The following TBC1D32 variants were observed in gnomAD, a reference collection of about 807,000 sequenced individuals.
TBC1D32 encodes the protein protein broad-minded.
Under a neutral mutation model 170.3 loss-of-function variants are expected in TBC1D32, and 151 were observed. That is an observed-to-expected ratio of 0.89 (90% CI 0.78 to 1.01). TBC1D32 has a LOEUF of 1.01. TBC1D32 is among the 50% of genes least tolerant of loss of function. The pLI, the probability that TBC1D32 is intolerant of heterozygous loss-of-function variation, is 0.00. For missense variants in TBC1D32, 1,464 were observed against 1,457.1 expected (o/e 1.00, Z -0.08); for synonymous variants, 498 against 488.0 (o/e 1.02, Z -0.27).
At chr6:121,154,028 A>C (rs1784534250) in intron 24 of TBC1D32, among the ~76,000 whole-genome samples, 1 of 92,928 alleles carries the variant, frequency 1.1e-5, no homozygotes, top group African/African-American at 4.3e-5. Flanking sequence ...ATTCCAGGAG[A>C]CACTAGGGTA....
At chr6:121,206,332 A>C (rs1792271057) in intron 21 of TBC1D32, among the ~76,000 whole-genome samples, 1 of 152,040 alleles carries the variant, frequency 6.6e-6, no homozygotes, top group South Asian at 2.1e-4. Context: ...CTCATTGCTC[A>C]TTTTCCTGAC....
At chr6:121,130,802 A>G (rs144050524) in intron 25 of TBC1D32, among the ~76,000 whole-genome samples, 5 of 152,234 alleles carry the variant, frequency 3.3e-5, no homozygotes, top group East Asian at 1.9e-4. Flanking sequence ...AATATTCTCT[A>G]TTATTCAATC....
chr6:121,270,297 A>G (rs1451684448), intron 15 of TBC1D32, among the ~76,000 whole-genome samples: 1 of 152,082 alleles, frequency 6.6e-6, no homozygotes, highest in East Asian at 1.9e-4. Flanking sequence ...ACACAAAAAA[A>G]CCCTTCAAAA....
rs569158694 is a variant in TBC1D32, at chr6:121,278,959, C to T, written c.1733+162G>A. Among the ~76,000 whole-genome samples the T allele has an allele frequency of 2.1e-3, 318 of 152,116 alleles. 1 individual carries two copies. Among genetic ancestry groups the T allele is most frequent in the African/African-American group, 7.3e-3 (305 of 41,540 alleles). ...GGAAACCCATCGAGAGTGAACTCTC[C>T]TATTCTTATTTTGAAATTACAGACG... On this transcript the variant is annotated intron_variant, in intron 15 of 31. Coordinates refer to ENST00000398212, the MANE Select transcript of TBC1D32 (RefSeq NM_152730.6).
chr6:121,145,161 G>A (rs1472261195), intron 24 of TBC1D32, among the ~76,000 whole-genome samples: 2 of 152,080 alleles, frequency 1.3e-5, no homozygotes, highest in African/African-American at 2.4e-5. Context: ...TTAGTGAGGG[G>A]AAAGTAGTCC....
In TBC1D32 at chr6:121,160,009, C is replaced by T; in HGVS notation, c.2773+1G>A. 2 of 1,577,060 alleles carry T rather than the reference C, an allele frequency of 1.3e-6. No individual in the cohort carries two copies. Among genetic ancestry groups the T allele is most frequent in the Non-Finnish European group, 1.7e-6 (2 of 1,150,358 alleles). ...ATGGCATTTGATGGTAAATATTTTA[C>T]CTTGTTTTATACCAGCATTTCTTGT... On this transcript the variant is annotated splice_donor_variant, in intron 24 of 31. Transcript: ENST00000398212. LOFTEE classifies it high-confidence loss of function.
intron 25 of TBC1D32, chr6:121,129,954 T>C: frequency 2.3e-6 from 1 of 432,410 alleles, no homozygotes; most frequent in Non-Finnish European, 4.6e-6. Context: ...GACAACAGGA[T>C]TAAATTACAA....
intron 31 of TBC1D32, among the ~76,000 whole-genome samples, chr6:121,087,140 G>A (rs557696330): frequency 6.6e-6 from 1 of 152,172 alleles, no homozygotes; most frequent in Non-Finnish European, 1.5e-5. Context: ...CCACATTCTT[G>A]TTGTGTCTAA....
At position 121,303,811 on chromosome 6, in the gene TBC1D32, T is replaced by A. The variant is rs59207791; in HGVS notation, c.936-50A>T. 3.2e-3 allele frequency: 3,933 copies of A among 1,231,816 alleles called. 85 individuals are homozygous for A. In the African/African-American group the frequency reaches 0.053, roughly 17 times the overall value. 76.3% of individuals were successfully genotyped at this position (1,231,816 alleles called of 1,614,324 possible). A position where few individuals can be genotyped will look rare whatever the true frequency, so the allele number is the denominator to read the frequency against. ...ACAATTACACATATAGTTCTGGTGG[T>A]ATACTTTATATTCATGGAATGATAA... is the stretch of plus-strand genomic sequence containing the variant. On this transcript the variant is annotated intron_variant, in intron 8 of 31. Coordinates refer to ENST00000398212, the MANE Select transcript of TBC1D32 (RefSeq NM_152730.6).
At chr6:121,290,763 A>T (rs981533672) in intron 12 of TBC1D32, among the ~76,000 whole-genome samples, 1 of 151,844 alleles carries the variant, frequency 6.6e-6, no homozygotes, top group Non-Finnish European at 1.5e-5. Context: ...ATGTCCAACA[A>T]TGATAGACTG....
intron 4 of TBC1D32, 125 bp from the exon 5 acceptor site, chr6:121,308,226 G>A: frequency 1.1e-6 from 1 of 932,472 alleles, no homozygotes; most frequent in South Asian, 1.7e-5. Context: ...TGATTTATCA[G>A]ATGCCTTTAT....
intron 22 of TBC1D32, among the ~76,000 whole-genome samples, chr6:121,203,482 T>G (rs1562890823): frequency 1.3e-5 from 2 of 151,408 alleles, no homozygotes; most frequent in Non-Finnish European, 2.9e-5. Flanking sequence ...AATTATTTCA[T>G]AGTAAAACAC....
chr6:121,152,545 G>T (rs1394312797), intron 24 of TBC1D32, among the ~76,000 whole-genome samples: 2 of 152,162 alleles, frequency 1.3e-5, no homozygotes, highest in African/African-American at 2.4e-5. Context: ...ATGTTGGCCT[G>T]TCTTGCTAGG....
At position 121,327,734 on chromosome 6, in the gene TBC1D32, A is replaced by C. The variant is rs549579726; in HGVS notation, c.156-5940T>G. 9.2e-5 allele frequency among the ~76,000 whole-genome samples: 14 copies of C among 152,292 alleles called. No individual in the cohort carries two copies. In the South Asian group the frequency reaches 2.7e-3, roughly 29 times the overall value. On this transcript the variant is annotated intron_variant, in intron 1 of 31. Transcript: ENST00000398212. The stretch of plus-strand genomic sequence containing the variant: ...ATATGAGCCTGGTGTTAACCTTTTA[A>C]CATTTTAAGGAAAGCCAGAAAACTG...
chr6:121,133,620 T>G (rs1048281688), intron 24 of TBC1D32, among the ~76,000 whole-genome samples: 2 of 152,060 alleles, frequency 1.3e-5, no homozygotes, highest in Non-Finnish European at 2.9e-5. Flanking sequence ...AGTATTTCCC[T>G]ATTTGACATT....
intron 1 of TBC1D32, among the ~76,000 whole-genome samples, chr6:121,325,027 T>G (rs904073859): frequency 2.0e-5 from 3 of 152,006 alleles, no homozygotes; most frequent in Admixed American, 1.3e-4. Flanking sequence ...CTGGGCAACA[T>G]GGTGAAACCC....
intron 30 of TBC1D32, among the ~76,000 whole-genome samples, chr6:121,091,866 C>T (rs1012128233): frequency 2.0e-5 from 3 of 152,022 alleles, no homozygotes; most frequent in African/African-American, 7.2e-5. Context: ...TACGGTGAGC[C>T]CTAATCCAAT....
intron 26 of TBC1D32, among the ~76,000 whole-genome samples, chr6:121,121,758 G>A (rs1403830837): frequency 1.3e-5 from 2 of 151,752 alleles, no homozygotes; most frequent in African/African-American, 4.8e-5. Context: ...ATTTATTGAC[G>A]TTATTGTTCT....
intron 15 of TBC1D32, among the ~76,000 whole-genome samples, chr6:121,270,389 G>C (rs752836919): frequency 1.7e-4 from 26 of 151,998 alleles, no homozygotes; most frequent in Non-Finnish European, 2.9e-4. Context: ...AGAAAAGAGA[G>C]AAGAATCAAA....
Sources: gnomAD v4.1 joint callset for allele counts (sites outside exome capture counted in the v4.1 genomes callset) on GRCh38, gnomAD v4.1.1 for gene constraint, MANE v1.5 for transcripts, NCBI Gene and HGNC (gene_info 2026-07-23, HGNC 2026-07-21) for gene names.